Variants in MLH3 observed in about 807,000 individuals in gnomAD.
MLH3 encodes the protein mutL homolog 3, also known as DNA mismatch repair protein Mlh3.
A neutral mutation model predicts 122.2 loss-of-function variants in MLH3; 82 were observed. The ratio of observed to expected loss-of-function variants is 0.67; its 90% CI spans 0.56 to 0.81. The LOEUF (loss-of-function observed/expected upper bound fraction) is 0.81, where lower values mean the gene tolerates loss of function less well. Ranked by LOEUF, MLH3 falls within the 30% of genes least tolerant of loss-of-function variation. The probability of loss-of-function intolerance (pLI) is 0.00; values close to 1 mark genes in which losing one functional copy is unlikely to be tolerated. For missense variants in MLH3, 1,539 were observed against 1,714.5 expected (o/e 0.90, Z 1.81); for synonymous variants, 524 against 599.5 (o/e 0.87, Z 1.84).
In MLH3 at chr14:75,013,950, C is replaced by CT. The variant is rs1395541100; in HGVS notation, c.*3131dup. 3 of 188,908 alleles carry CT rather than the reference C, an allele frequency of 1.6e-5. No homozygotes were observed. Among genetic ancestry groups the CT allele is most frequent in the African/African-American group, 7.0e-5 (3 of 42,918 alleles). 11.7% of individuals were successfully genotyped at this position (188,908 alleles called of 1,614,324 possible). A position where few individuals can be genotyped will look rare whatever the true frequency, so the allele number is the denominator to read the frequency against. ...TGGCCAGCATACTGGCCGGTTCTCT[C>CT]TGTTAGCAGACTTTTGCCAAGGGTT... On this transcript the variant is annotated 3_prime_UTR_variant, in exon 13 of 13. Transcript: ENST00000355774.
rs1301661158 is a variant in MLH3 at position 75,048,855 on chromosome 14, G to A, written c.801C>T (p.Leu267=). The change falls in exon 2 of 13, where the codon CTC becomes CTT. Residue 267 remains leucine (L), a synonymous_variant. Transcript: ENST00000355774. ...RLVLRTKLHK[L]IDFLLRKESI... ...TTTCTTTCCTTAATAAAAAGTCAATGAGTTTATGTAGCTTTGTCCTTAAAA... is the reference window on the plus strand; with the variant it reads ...TTTCTTTCCTTAATAAAAAGTCAATAAGTTTATGTAGCTTTGTCCTTAAAA... The A allele has an allele frequency of 6.2e-7, 1 of 1,614,072 alleles. No homozygotes were observed. Among genetic ancestry groups the A allele is most frequent in the Non-Finnish European group, 8.5e-7 (1 of 1,179,966 alleles).
chr14:75,040,083 T>C, intron 4 of MLH3, 68 bp from the exon 5 acceptor site: 1 of 799,900 alleles, frequency 1.3e-6, no homozygotes, highest in Non-Finnish European at 2.1e-6. Flanking sequence ...ACCAAAGATA[T>C]CAGAGTGCTT....
At chr14:75,025,811 G>A (rs1054079085) in intron 9 of MLH3, among the ~76,000 whole-genome samples, 9 of 152,148 alleles carry the variant, frequency 5.9e-5, no homozygotes, top group Non-Finnish European at 1.2e-4. Flanking sequence ...CTTCACGATG[G>A]AACTCCTAGG....
At chr14:75,034,993 G>C (rs576292690) in intron 6 of MLH3, among the ~76,000 whole-genome samples, 1 of 149,790 alleles carries the variant, frequency 6.7e-6, no homozygotes, top group Non-Finnish European at 1.5e-5. Context: ...AACTCGGGAA[G>C]GGGAGACTGC....
At chr14:75,032,792 C>T (rs926564524) in intron 7 of MLH3, among the ~76,000 whole-genome samples, 1 of 149,062 alleles carries the variant, frequency 6.7e-6, no homozygotes, top group Non-Finnish European at 1.5e-5. Flanking sequence ...TATTTTACCA[C>T]TTGGTGAACA....
chr14:75,036,241 A>C (rs1050408036), intron 6 of MLH3, among the ~76,000 whole-genome samples: 1 of 152,104 alleles, frequency 6.6e-6, no homozygotes, highest in African/African-American at 2.4e-5. Flanking sequence ...ATTTATATCC[A>C]GGGTTTCAGT....
intron 5 of MLH3, among the ~76,000 whole-genome samples, chr14:75,039,006 C>T (rs1290509362): frequency 2.0e-5 from 3 of 151,654 alleles, no homozygotes; most frequent in African/African-American, 4.8e-5. Flanking sequence ...TACAGGTGCC[C>T]GCCACCACGC....
At chr14:75,031,725 G>A (rs1418373497) in intron 8 of MLH3, among the ~76,000 whole-genome samples, 1 of 152,282 alleles carries the variant, frequency 6.6e-6, no homozygotes, top group African/African-American at 2.4e-5. Flanking sequence ...GAAGTGGGAG[G>A]ACTGCTTGAG....
chr14:75,045,802 C>A (rs1892164471), intron 2 of MLH3, among the ~76,000 whole-genome samples: 1 of 152,060 alleles, frequency 6.6e-6, no homozygotes. Context: ...ATATACCCAT[C>A]ACCCCCTTTC....
rs775277584 is a variant in MLH3 at position 75,046,867 on chromosome 14, G to GT, written c.2788dup (p.Thr930AsnfsTer16). 8 of 1,613,608 alleles carry GT rather than the reference G, an allele frequency of 5.0e-6. No individual in the cohort carries two copies. The highest frequency in any genetic ancestry group is 6.8e-6 in the Non-Finnish European group (8 of 1,179,870). On this transcript the variant is annotated frameshift_variant, in exon 2 of 13. Transcript: ENST00000355774. LOFTEE classifies it high-confidence loss of function. ...TGATGTTGGGATGACACCATTCTCT[G>GT]TTTTTTCATGCTTGTTGTTAAATAA...
At chr14:75,033,269 CA>C in intron 7 of MLH3, 149 bp downstream of exon 7, 2 of 710,854 alleles carry the variant, frequency 2.8e-6, no homozygotes, top group South Asian at 3.0e-5. Flanking sequence ...TCAATTATAA[CA>C]CAGGCCAAAC....
intron 5 of MLH3, among the ~76,000 whole-genome samples, chr14:75,039,034 T>A (rs1372686964): frequency 6.6e-6 from 1 of 152,106 alleles, no homozygotes; most frequent in East Asian, 1.9e-4. Flanking sequence ...ATTTTTTGTA[T>A]TTTTAGTAGA....
intron 12 of MLH3, among the ~76,000 whole-genome samples, chr14:75,018,586 A>G (rs538700360): frequency 2.0e-5 from 3 of 152,246 alleles, no homozygotes; most frequent in Admixed American, 6.5e-5. Flanking sequence ...AAGTCTGTAC[A>G]TGTGTTAAGT....
rs1892495726 is a variant in MLH3, at chr14:75,049,243, G to A, written c.413C>T (p.Thr138Ile). ...TACAGTAGTCCCAGCGCTTGCTCTA[G>A]TCACATCAGCTTCACAAGCTTTCAG... ...KALKACEADV[T>I]RASAGTTVTV... The change falls in exon 2 of 13, where the codon ACT becomes ATT. Residue 138 changes from threonine to isoleucine, a missense_variant. Physicochemically the swap from Thr to Ile is moderately conservative, Grantham distance 89 (BLOSUM62 -1). Transcript: ENST00000355774. 6.2e-7 allele frequency: 1 copy of A among 1,614,098 alleles called. No homozygotes were observed. The highest frequency in any genetic ancestry group is 8.5e-7 in the Non-Finnish European group (1 of 1,180,048).
At position 75,047,349 on chromosome 14, in the gene MLH3, A is replaced by G. The variant is rs1402152988; in HGVS notation, c.2307T>C (p.Asp769=). 1.3e-5 allele frequency: 21 copies of G among 1,614,176 alleles called. No homozygotes were observed. Among genetic ancestry groups the G allele is most frequent in the Non-Finnish European group, 1.7e-5 (20 of 1,180,020 alleles). ...CTCCATTACTTTCCTCTACTTCTGT[A>G]TCCAGAGGATTTTCAACCTTCCCAT... ...RQYGKVENPL[D]TEVEESNGVT... is the part of the protein sequence containing the mutation. Residue 769 remains aspartate (D), a synonymous_variant, in exon 2 of 13, where the codon GAT becomes GAC. Transcript: ENST00000355774.
intron 9 of MLH3, among the ~76,000 whole-genome samples, chr14:75,023,586 G>T (rs1325059587): frequency 1.3e-5 from 2 of 152,206 alleles, no homozygotes; most frequent in East Asian, 3.9e-4. Flanking sequence ...CTCCTCCCTT[G>T]CATGTCTCTG....
rs145063005 is a variant in MLH3 at position 75,039,846 on chromosome 14, C to CATATATATAT, written c.3570+55_3570+64dup. ...AAATCAAATTTTAGAAGAGTTAGGC[C>CATATATATAT]ATATATATATATATATATATATATA... On this transcript the variant is annotated intron_variant, in intron 5 of 12. Transcript: ENST00000355774. 3,434 of 319,940 alleles carry CATATATATAT rather than the reference C, an allele frequency of 0.011. 142 individuals are homozygous for CATATATATAT. The highest frequency in any genetic ancestry group is 0.022 in the East Asian group (115 of 5,328). 19.8% of individuals were successfully genotyped at this position (319,940 alleles called of 1,614,324 possible).
intron 6 of MLH3, among the ~76,000 whole-genome samples, chr14:75,034,904 A>G (rs1234482213): frequency 1.3e-5 from 2 of 151,874 alleles, no homozygotes; most frequent in Admixed American, 6.6e-5. Context: ...CTCTACTAAA[A>G]ATACAAGAAT....
Position 75,033,428 on chromosome 14 carries a change from G to A in MLH3, c.3706C>T (p.Leu1236Phe). 2 of 1,614,034 alleles carry A rather than the reference G, an allele frequency of 1.2e-6. No homozygotes were observed. The highest frequency in any genetic ancestry group is 1.1e-5 in the South Asian group (1 of 91,076). The part of the protein sequence containing the change: ...AAHERIRLEQ[L>F]IIDSYEKQQA... ...GCAAACAGATCCTTACCAATGATAA[G>A]CTGCTCCAGACGTATACGCTCATGG... The change falls in exon 7 of 13, where the codon CTT (leucine) becomes TTT (phenylalanine). Residue 1236 changes from leucine to phenylalanine, a missense_variant. By Grantham distance (22) the Leu-to-Phe change is conservative. Coordinates refer to ENST00000355774, the MANE Select transcript of MLH3 (RefSeq NM_001040108.2).
Sources: gnomAD v4.1 joint callset for allele counts (sites outside exome capture counted in the v4.1 genomes callset) on GRCh38, gnomAD v4.1.1 for gene constraint, MANE v1.5 for transcripts, NCBI Gene and HGNC (gene_info 2026-07-23, HGNC 2026-07-21) for gene names.